The following NRXN1 variants were observed in gnomAD, a reference collection of about 807,000 sequenced individuals.
NRXN1 encodes the protein neurexin 1.
In NRXN1, 39 loss-of-function variants were observed where a neutral mutation model predicts 150.9. That is an observed-to-expected ratio of 0.26 (90% CI 0.20 to 0.34). The LOEUF (loss-of-function observed/expected upper bound fraction) is 0.34, where lower values mean the gene tolerates loss of function less well. Among genes scored for constraint, NRXN1 ranks in the 10% least tolerant of loss-of-function variants. The probability of loss-of-function intolerance (pLI) is 1.00; values close to 1 mark genes in which losing one functional copy is unlikely to be tolerated. For synonymous variants in NRXN1, 924 were observed against 757.0 expected (o/e 1.22, Z -3.62); for missense variants, 1,815 against 1,949.9 (o/e 0.93, Z 1.30).
At chr2:50,766,249 C>A (rs552155514) in intron 5 of NRXN1, among the ~76,000 whole-genome samples, 10 of 152,020 alleles carry the variant, frequency 6.6e-5, no homozygotes, top group African/African-American at 2.2e-4. Context: ...AGCATTCTCC[C>A]CATGATTTAT....
chr2:50,300,028 T>A (rs926337658), intron 17 of NRXN1, among the ~76,000 whole-genome samples: 2 of 152,078 alleles, frequency 1.3e-5, no homozygotes, highest in Non-Finnish European at 2.9e-5. Context: ...TAATCCTGAA[T>A]ATGAAATAGA....
rs112977727 is a variant in NRXN1 at position 50,332,505 on chromosome 2, A to T, written c.3365-95535T>A. ...TACCTGAAAGCATTCACCTTCACCT[A>T]GTTGGAGAGATCTCTGCTGCAAGGA... On this transcript the variant is annotated intron_variant, in intron 17 of 22. Coordinates refer to ENST00000401669, the MANE Select transcript of NRXN1 (RefSeq NM_001330078.2). 7.2e-5 allele frequency among the ~76,000 whole-genome samples: 11 copies of T among 152,308 alleles called. 1 individual carries two copies. Among genetic ancestry groups the T allele is most frequent in the African/African-American group, 2.6e-4 (11 of 41,566 alleles).
intron 21 of NRXN1, among the ~76,000 whole-genome samples, chr2:50,038,814 C>G (rs1203852344): frequency 1.4e-5 from 2 of 147,030 alleles, no homozygotes; most frequent in African/African-American, 5.0e-5. Context: ...CTCCCTCCCT[C>G]CTCCCTTTCT....
chr2:49,930,507 T>C (rs1034707615), intron 22 of NRXN1, among the ~76,000 whole-genome samples: 4 of 152,248 alleles, frequency 2.6e-5, no homozygotes, highest in Admixed American at 6.5e-5. Context: ...ATTTGATTGT[T>C]ATTAGAAAGT....
chr2:50,690,403 T>TC (rs1462362460), intron 5 of NRXN1, among the ~76,000 whole-genome samples: 14 of 152,288 alleles, frequency 9.2e-5, no homozygotes, highest in Admixed American at 3.9e-4. Context: ...GTGATAGTCC[T>TC]CTTTATGTAC....
chr2:50,950,431 G>T (rs1264042876), intron 2 of NRXN1, among the ~76,000 whole-genome samples: 2 of 152,194 alleles, frequency 1.3e-5, no homozygotes, highest in South Asian at 2.1e-4. Flanking sequence ...TTAAGTGTCT[G>T]AATTTCTTCC....
rs567590753 is a variant in NRXN1 at position 50,613,754 on chromosome 2, T to C, written c.1320+6268A>G. On this transcript the variant is annotated intron_variant, in intron 8 of 22. Coordinates refer to ENST00000401669, the MANE Select transcript of NRXN1 (RefSeq NM_001330078.2). ...GACATCCAGACCATACTGGCTAACA[T>C]GGTGAAACCCTGTCTCTACTAAAAA... Among the ~76,000 whole-genome samples, 8 of 152,258 alleles carry C rather than the reference T, an allele frequency of 5.3e-5. No individual in the cohort carries two copies. In the South Asian group the frequency reaches 6.2e-4, roughly 12 times the overall value.
intron 2 of NRXN1, among the ~76,000 whole-genome samples, chr2:50,964,168 G>T (rs1452400646): frequency 6.6e-6 from 1 of 151,530 alleles, no homozygotes; most frequent in African/African-American, 2.4e-5. Context: ...TGAGTAGAAG[G>T]TTTAGACTAT....
chr2:50,590,526 A>T (rs1318160680), intron 8 of NRXN1, among the ~76,000 whole-genome samples: 2 of 152,080 alleles, frequency 1.3e-5, no homozygotes, highest in African/African-American at 4.8e-5. Flanking sequence ...ACATTAACTC[A>T]CTGTTACAGA....
intron 15 of NRXN1, among the ~76,000 whole-genome samples, chr2:50,490,944 T>C (rs559396977): frequency 5.3e-5 from 8 of 152,102 alleles, no homozygotes; most frequent in African/African-American, 1.9e-4. Context: ...CTTTCCCTTA[T>C]ATAGACTAAA....
chr2:50,935,057 T>C (rs1688318034), intron 2 of NRXN1, among the ~76,000 whole-genome samples: 1 of 152,172 alleles, frequency 6.6e-6, no homozygotes, highest in Non-Finnish European at 1.5e-5. Flanking sequence ...TCATTTATCA[T>C]TACTGTCTTT....
intron 18 of NRXN1, among the ~76,000 whole-genome samples, chr2:50,104,827 G>A (rs1701423325): frequency 6.6e-6 from 1 of 151,932 alleles, no homozygotes; most frequent in Non-Finnish European, 1.5e-5. Flanking sequence ...AGCTTGTTTA[G>A]CTGTGGTATT....
intron 5 of NRXN1, chr2:50,829,492 A>C (rs1671079426): frequency 2.5e-6 from 4 of 1,590,164 alleles, no homozygotes; most frequent in Admixed American, 3.3e-5. Context: ...ATAATGAGAA[A>C]GGCGCGAATC....
intron 17 of NRXN1, among the ~76,000 whole-genome samples, chr2:50,407,461 T>C (rs1462101572): frequency 6.6e-6 from 1 of 152,094 alleles, no homozygotes; most frequent in African/African-American, 2.4e-5. Context: ...ATATTGTCCC[T>C]CTCCTAAAGA....
At chr2:50,513,274 T>A (rs887190165) in intron 12 of NRXN1, among the ~76,000 whole-genome samples, 4 of 152,174 alleles carry the variant, frequency 2.6e-5, no homozygotes, top group Non-Finnish European at 5.9e-5. Flanking sequence ...CACCAAAGGA[T>A]CTACCATTAA....
In NRXN1 at chr2:50,558,588, G is replaced by T. The variant is rs1266056225; in HGVS notation, c.1321-5563C>A. The stretch of plus-strand genomic sequence containing the variant: ...CCTTCAAGTCCAGTTATAGCAGAGG[G>T]CCTATTTCTGTTTCCAAGATGATAT... On this transcript the variant is annotated intron_variant, in intron 8 of 22. Transcript: ENST00000401669. Among the ~76,000 whole-genome samples, 3 of 152,140 alleles carry T rather than the reference G, an allele frequency of 2.0e-5. No homozygotes were observed. The East Asian group carries it at 5.8e-4, about 29-fold the overall frequency.
intron 21 of NRXN1, among the ~76,000 whole-genome samples, chr2:49,962,282 A>C (rs56325957): frequency 0.41 from 62,323 of 151,638 alleles, 13,103 homozygotes; most frequent in South Asian, 0.53. Flanking sequence ...GACACTTTGA[A>C]TGAATACTAA....
At chr2:50,662,279 A>G (rs1435348415) in intron 5 of NRXN1, among the ~76,000 whole-genome samples, 3 of 151,998 alleles carry the variant, frequency 2.0e-5, no homozygotes, top group African/African-American at 7.2e-5. Context: ...GGCCACCTAC[A>G]TGGTATGTTT....
intron 19 of NRXN1, among the ~76,000 whole-genome samples, chr2:50,066,616 T>C (rs559849858): frequency 5.3e-5 from 8 of 152,290 alleles, no homozygotes; most frequent in African/African-American, 9.6e-5. Context: ...TTTAAATAAA[T>C]AGACTCTCCA....
Sources: gnomAD v4.1 joint callset for allele counts (sites outside exome capture counted in the v4.1 genomes callset) on GRCh38, gnomAD v4.1.1 for gene constraint, MANE v1.5 for transcripts, NCBI Gene and HGNC (gene_info 2026-07-23, HGNC 2026-07-21) for gene names.